Variants in ARHGEF10L observed in about 807,000 individuals in gnomAD.
ARHGEF10L encodes rho guanine nucleotide exchange factor 10-like protein.
ARHGEF10L carries 69 observed loss-of-function variants against 141.2 expected under a neutral mutation model. That is an observed-to-expected ratio of 0.49 (90% confidence interval 0.40 to 0.60). The LOEUF (loss-of-function observed/expected upper bound fraction) is 0.60, where lower values mean the gene tolerates loss of function less well. ARHGEF10L is among the 20% of genes least tolerant of loss of function. The pLI is 0.00. For synonymous variants in ARHGEF10L, 711 were observed against 718.5 expected (o/e 0.99, Z 0.17); for missense variants, 1,482 against 1,734.3 (o/e 0.85, Z 2.58).
At chr1:17,624,048 G>A (rs1051221660) in intron 12 of ARHGEF10L, among the ~76,000 whole-genome samples, 1 of 152,166 alleles carries the variant, frequency 6.6e-6, no homozygotes, top group Admixed American at 6.5e-5. Flanking sequence ...TGCAGTAGAA[G>A]GGGTGTTCCC....
At chr1:17,648,511 T>A in intron 21 of ARHGEF10L, 43 bp from the exon 22 acceptor site, 1 of 1,607,248 alleles carries the variant, frequency 6.2e-7, no homozygotes. Context: ...AGTTGGTCCT[T>A]GGACTCTGAC....
chr1:17,606,673 A>G (rs2081208853), intron 6 of ARHGEF10L, among the ~76,000 whole-genome samples: 1 of 152,094 alleles, frequency 6.6e-6, no homozygotes, highest in Non-Finnish European at 1.5e-5. Context: ...TGTGATGACA[A>G]AAGCATTTTC....
intron 22 of ARHGEF10L, among the ~76,000 whole-genome samples, chr1:17,651,198 C>G (rs2101969223): frequency 6.6e-6 from 1 of 152,192 alleles, no homozygotes; most frequent in East Asian, 1.9e-4. Context: ...AAATTTTGTA[C>G]CCAAGCTAGG....
intron 4 of ARHGEF10L, among the ~76,000 whole-genome samples, chr1:17,591,493 C>A (rs757911922): frequency 6.6e-6 from 1 of 150,634 alleles, no homozygotes; most frequent in Non-Finnish European, 1.5e-5. Context: ...CTCACTGCAA[C>A]CTTTGCCTCC....
chr1:17,647,712 C>T (rs539404540), intron 21 of ARHGEF10L, among the ~76,000 whole-genome samples: 5 of 151,846 alleles, frequency 3.3e-5, no homozygotes, highest in Admixed American at 1.3e-4. Context: ...ATGAAGGCTG[C>T]GAGGAAAGTA....
chr1:17,535,682 C>T (rs2076565997), upstream of ARHGEF10L, among the ~76,000 whole-genome samples: 1 of 152,214 alleles, frequency 6.6e-6, no homozygotes. Flanking sequence ...ATTTTGCTTA[C>T]ACAATAAATC....
Position 17,602,234 on chromosome 1 carries a change from G to A in ARHGEF10L, c.349+16G>A, listed in dbSNP as rs139483071. ...TCCCGTCGCAGTAAGTCTCCCCTCC[G>A]GCCCACCGCCCACCCCAGGTAGCAA... On this transcript the variant is annotated intron_variant, in intron 5 of 28. Coordinates refer to ENST00000361221, the MANE Select transcript of ARHGEF10L (RefSeq NM_018125.4). 80 of 1,555,580 alleles carry A rather than the reference G, an allele frequency of 5.1e-5. No individual in the cohort carries two copies. The African/African-American group carries it at 6.0e-4, about 12-fold the overall frequency.
rs553300743 is a variant in ARHGEF10L at position 17,587,378 on chromosome 1, C to T, written c.38-82C>T. The T allele has an allele frequency of 7.0e-6, 10 of 1,420,794 alleles. No individual in the cohort carries two copies. The Admixed American group carries it at 1.1e-4, about 16-fold the overall frequency. The allele number at this position is 1,420,794 out of a possible 1,614,324, so 88.0% of individuals were successfully genotyped here. ...ACCTGAGGTGCTCACCCAGTTCCAG[C>T]CATGCCCACCTACCCCAGCCATCTC... is the stretch of plus-strand genomic sequence containing the variant. On this transcript the variant is annotated intron_variant, in intron 2 of 28. Transcript: ENST00000361221.
chr1:17,542,886 C>T (rs1270667957), intron 1 of ARHGEF10L, among the ~76,000 whole-genome samples: 1 of 152,212 alleles, frequency 6.6e-6, no homozygotes, highest in East Asian at 1.9e-4. Context: ...TTCTTCTGCA[C>T]AACTGTCTCC....
At chr1:17,630,916 G>A (rs543207982) in intron 15 of ARHGEF10L, among the ~76,000 whole-genome samples, 36 of 150,926 alleles carry the variant, frequency 2.4e-4, no homozygotes, top group African/African-American at 8.5e-4. Flanking sequence ...GATGCCTGGG[G>A]GTGATCTGTG....
intron 1 of ARHGEF10L, among the ~76,000 whole-genome samples, chr1:17,554,783 G>A (rs761470989): frequency 5.9e-5 from 9 of 151,900 alleles, no homozygotes; most frequent in Non-Finnish European, 1.3e-4. Context: ...TAGAGATGGG[G>A]TTTTGCCACG....
intron 27 of ARHGEF10L, among the ~76,000 whole-genome samples, chr1:17,688,546 G>A (rs957794549): frequency 1.4e-4 from 21 of 152,226 alleles, no homozygotes; most frequent in Admixed American, 1.1e-3. Flanking sequence ...AGGGTGCAGT[G>A]GCTCTGTCTT....
chr1:17,619,427 G>A lies in ARHGEF10L; in HGVS notation c.924G>A (p.Glu308=), dbSNP rs760229712. Reference sequence around the variant, plus strand: ...CCCCAGAGCTGGGCCCCATGCCAGAGGGCCTGAGCCCTCAGCAGGTCTGTG... The same window carrying A: ...CCCCAGAGCTGGGCCCCATGCCAGAAGGCCTGAGCCCTCAGCAGGTCTGTG... ...PPAPELGPMP[E]GLSPQQVVRR... is the part of the protein sequence containing the mutation. The change falls in exon 10 of 29, where the codon GAG becomes GAA. Residue 308 remains glutamate, a synonymous_variant. Coordinates refer to ENST00000361221, the MANE Select transcript of ARHGEF10L (RefSeq NM_018125.4). The surrounding 1 kb of genome is among the most constrained non-coding windows in gnomAD (Gnocchi z 5.0). 5.6e-6 allele frequency: 9 copies of A among 1,610,042 alleles called. No homozygotes were observed. In the South Asian group the frequency reaches 7.7e-5, roughly 14 times the overall value.
intron 18 of ARHGEF10L, among the ~76,000 whole-genome samples, chr1:17,635,653 G>A (rs1165037832): frequency 6.6e-6 from 1 of 152,212 alleles, no homozygotes; most frequent in African/African-American, 2.4e-5. Flanking sequence ...CTCATGCTGG[G>A]CCAGGTCGCC....
chr1:17,666,117 G>A (rs1052523938), intron 26 of ARHGEF10L, among the ~76,000 whole-genome samples: 11 of 152,194 alleles, frequency 7.2e-5, no homozygotes, highest in Middle Eastern at 3.2e-3. Flanking sequence ...AAGGCCATGT[G>A]CATGACTAAA....
rs1211645748 is a variant in ARHGEF10L at position 17,683,396 on chromosome 1, GGGGTGCTCACTGCCTCCTGCTCTCACCC to G, written c.3010-4162_3010-4135del. 6.7e-4 allele frequency among the ~76,000 whole-genome samples: 82 copies of G among 121,540 alleles called. 7 individuals are homozygous for G. The highest frequency in any genetic ancestry group is 2.3e-3 in the African/African-American group (74 of 31,676). 79.7% of individuals were successfully genotyped at this position (121,540 alleles called of 152,430 possible). On this transcript the variant is annotated intron_variant, in intron 26 of 28. Coordinates refer to ENST00000361221, the MANE Select transcript of ARHGEF10L (RefSeq NM_018125.4). Reference sequence around the variant, plus strand: ...GTGCTCACTGCCCCCTGCTCTCACCGGGGTGCTCACTGCCTCCTGCTCTCACCCGGGTGCTCACTGCCCCCTGCTCTCA... The same window carrying G: ...GTGCTCACTGCCCCCTGCTCTCACCGGGGTGCTCACTGCCCCCTGCTCTCA...
At chr1:17,588,751 C>T (rs2079247877) in intron 4 of ARHGEF10L, among the ~76,000 whole-genome samples, 1 of 151,880 alleles carries the variant, frequency 6.6e-6, no homozygotes, top group Non-Finnish European at 1.5e-5. Context: ...GTCACAGAAA[C>T]TCTCCAAGTG....
chr1:17,515,642 TTTTTC>T, the ARHGEF10L span, among the ~76,000 whole-genome samples: 363 of 152,136 alleles, frequency 2.4e-3, 4 homozygotes, highest in African/African-American at 8.4e-3. Context: ...TGCTTTTCTT[TTTTTC>T]TTTTCTTTTT....
chr1:17,596,811 C>G (rs902157701), intron 4 of ARHGEF10L, among the ~76,000 whole-genome samples: 1 of 152,118 alleles, frequency 6.6e-6, no homozygotes, highest in East Asian at 1.9e-4. Context: ...GAGTACTAGG[C>G]GGATCCGAGG....
Sources: allele counts gnomAD v4.1 joint callset (sites outside exome capture counted in the v4.1 genomes callset), GRCh38; gene constraint gnomAD v4.1.1; non-coding constraint Gnocchi (gnomAD v3.1); transcripts MANE v1.5; gene names NCBI Gene and HGNC (gene_info 2026-07-23, HGNC 2026-07-21).